Variants in RPS6KA1 observed in about 807,000 individuals in gnomAD.
RPS6KA1 encodes ribosomal protein S6 kinase A1.
In RPS6KA1, 48 loss-of-function variants were observed where a neutral mutation model predicts 91.3. The observed-to-expected ratio is 0.53, with a 90% CI of 0.42 to 0.67. RPS6KA1 has a LOEUF of 0.67. RPS6KA1 is among the 30% of genes least tolerant of loss of function. The pLI, the probability that RPS6KA1 is intolerant of heterozygous loss-of-function variation, is 0.00. For synonymous variants in RPS6KA1, 359 were observed against 384.7 expected, an observed-to-expected ratio of 0.93 and a Z score of 0.78; for missense variants, 719 against 960.5, an observed-to-expected ratio of 0.75 and a Z score of 3.32.
rs557747395 is a variant in RPS6KA1 at position 26,565,883 on chromosome 1, A to G, written c.1590+4220A>G. ...ATTTCATACAAACTTTCTCTTTTGT[A>G]TCTGGCTTCTGCCATTCAATGTTGT... On this transcript the variant is annotated intron_variant, in intron 17 of 21. Transcript: ENST00000374168. Among the ~76,000 whole-genome samples the G allele has an allele frequency of 2.6e-5, 4 of 152,264 alleles. No individual in the cohort carries two copies. In the East Asian group the frequency reaches 7.7e-4, roughly 29 times the overall value.
At chr1:26,573,166 A>G in intron 20 of RPS6KA1, 58 bp from the exon 21 acceptor site, 1 of 1,581,204 alleles carries the variant, frequency 6.3e-7, no homozygotes, top group Non-Finnish European at 8.6e-7. Flanking sequence ...CCTGTGCCCC[A>G]TCAGGGGCCT....
In RPS6KA1 at chr1:26,547,860, T is replaced by C. The variant is rs1196733368; in HGVS notation, c.307+590T>C. 6.6e-6 allele frequency among the ~76,000 whole-genome samples: 1 copy of C among 152,190 alleles called. No homozygotes were observed. Among genetic ancestry groups the C allele is most frequent in the East Asian group, 1.9e-4 (1 of 5,192 alleles). ...TGTGACCACTGACCCGGCAGAGTCA[T>C]AGCCAAGTCTCTCTTTAAATAAGTC... On this transcript the variant is annotated intron_variant, in intron 4 of 21. Coordinates refer to ENST00000374168, the MANE Select transcript of RPS6KA1 (RefSeq NM_002953.4). This position sits in a 1 kb window ranked among gnomAD's most constrained non-coding sequence, Gnocchi z 4.1.
rs551475424 is a variant in RPS6KA1, at chr1:26,541,713, G to A, written c.108+4744G>A. 2.0e-5 allele frequency among the ~76,000 whole-genome samples: 3 copies of A among 152,368 alleles called. No individual in the cohort carries two copies. In the East Asian group the frequency reaches 5.8e-4, roughly 29 times the overall value. ...CCCCTCCTCACCTGCCTGGAGGCACGCTGGGAGATGTGTCTGAGGACATCT... is the reference window on the plus strand; with the variant it reads ...CCCCTCCTCACCTGCCTGGAGGCACACTGGGAGATGTGTCTGAGGACATCT... On this transcript the variant is annotated intron_variant, in intron 2 of 21. Coordinates refer to ENST00000374168, the MANE Select transcript of RPS6KA1 (RefSeq NM_002953.4).
At chr1:26,544,628 CCA>C (rs1021387416) in intron 2 of RPS6KA1, among the ~76,000 whole-genome samples, 5 of 152,302 alleles carry the variant, frequency 3.3e-5, no homozygotes, top group Non-Finnish European at 7.4e-5. Flanking sequence ...GTGCCCACCA[CCA>C]CGCCCAGCTA....
rs1283926624 is a variant in RPS6KA1, at chr1:26,572,181, C to T, written c.1835C>T (p.Thr612Ile). The change falls in exon 20 of 22, where the codon ACT becomes ATT. Residue 612 changes from threonine to isoleucine, a missense_variant. By Grantham distance (89) the Thr-to-Ile change is moderately conservative (BLOSUM62 -1). Around this residue, in one of 5 missense-constraint regions of RPS6KA1, gnomAD observed 249 missense variants for 323.1 expected, o/e 0.77. Coordinates refer to ENST00000374168, the MANE Select transcript of RPS6KA1 (RefSeq NM_002953.4). Reference protein sequence around the residue: ...ILLYTMLAGYTPFANGPSDTP... With the variant: ...ILLYTMLAGYIPFANGPSDTP... ...CCGTGCGGGCTTTTCTGCAGATATA[C>T]TCCATTTGCCAACGGTCCCAGTGAC... 6 of 1,613,588 alleles carry T rather than the reference C, an allele frequency of 3.7e-6. No homozygotes were observed. The highest frequency in any genetic ancestry group is 4.2e-6 in the Non-Finnish European group (5 of 1,179,608).
intron 17 of RPS6KA1, among the ~76,000 whole-genome samples, chr1:26,562,135 C>T (rs1335272976): frequency 2.0e-5 from 3 of 152,018 alleles, no homozygotes; most frequent in Admixed American, 6.6e-5. Flanking sequence ...ACCCGGGAGG[C>T]GGAGGTTGCA....
intron 1 of RPS6KA1, chr1:26,530,753 C>G: frequency 7.8e-7 from 1 of 1,285,598 alleles, no homozygotes; most frequent in Non-Finnish European, 1.0e-6. Context: ...AGAAGCAGCT[C>G]CTGACCTCCC....
chr1:26,536,784 G>C, intron 1 of RPS6KA1, 141 bp from the exon 2 acceptor site: 2 of 840,006 alleles, frequency 2.4e-6, no homozygotes, highest in South Asian at 1.6e-5. Flanking sequence ...GGAGGTGGAG[G>C]GACCCACCCA....
intron 13 of RPS6KA1, 77 bp downstream of exon 13, chr1:26,557,177 A>G (rs2076110044): frequency 8.6e-6 from 10 of 1,156,134 alleles, no homozygotes; most frequent in Non-Finnish European, 1.3e-5. Flanking sequence ...CTTGGGGGGC[A>G]GAGATAGTCA....
At position 26,551,236 on chromosome 1, in the gene RPS6KA1, G is replaced by A. The variant is rs2076046869; in HGVS notation, c.308-161G>A. Among the ~76,000 whole-genome samples, 1 of 152,202 alleles carries A rather than the reference G, an allele frequency of 6.6e-6. No individual in the cohort carries two copies. The highest frequency in any genetic ancestry group is 2.4e-5 in the African/African-American group (1 of 41,440). On this transcript the variant is annotated intron_variant, in intron 4 of 21. Transcript: ENST00000374168. This position sits in a 1 kb window ranked among gnomAD's most constrained non-coding sequence, Gnocchi z 4.5. Reference sequence around the variant, plus strand: ...CAAGGAGCCAGAAACAGACTGGCAAGGAGGAAACCTGAGGATTGAGTGTCC... The same window carrying A: ...CAAGGAGCCAGAAACAGACTGGCAAAGAGGAAACCTGAGGATTGAGTGTCC...
intron 14 of RPS6KA1, 60 bp from the exon 15 acceptor site, chr1:26,560,666 G>A (rs2076145690): frequency 6.2e-7 from 1 of 1,609,100 alleles, no homozygotes; most frequent in South Asian, 1.1e-5. Flanking sequence ...CTTAGGTCCT[G>A]GGGGATGACC....
At chr1:26,569,322 T>C (rs1452064617) in intron 17 of RPS6KA1, among the ~76,000 whole-genome samples, 3 of 152,208 alleles carry the variant, frequency 2.0e-5, no homozygotes, top group Non-Finnish European at 4.4e-5. Flanking sequence ...AGTTCACTTG[T>C]GCAGGGTAGT....
At chr1:26,564,968 AAAGT>A (rs2076186656) in intron 17 of RPS6KA1, among the ~76,000 whole-genome samples, 1 of 152,226 alleles carries the variant, frequency 6.6e-6, no homozygotes, top group South Asian at 2.1e-4. Flanking sequence ...CCTGAAGCTA[AAAGT>A]AAGGAGGAAC....
Position 26,555,739 on chromosome 1 carries a change from C to A in RPS6KA1, c.916+114C>A. On this transcript the variant is annotated intron_variant, in intron 11 of 21. Coordinates refer to ENST00000374168, the MANE Select transcript of RPS6KA1 (RefSeq NM_002953.4). This position sits in a 1 kb window ranked among gnomAD's most constrained non-coding sequence, Gnocchi z 4.3. ...AAGGGGCCGTTGTCCTTTGTGTGGG[C>A]AGACAATGCCGCGGGCCACCCTGCT... 9.7e-7 allele frequency: 1 copy of A among 1,032,470 alleles called. No homozygotes were observed. The highest frequency in any genetic ancestry group is 1.5e-6 in the Non-Finnish European group (1 of 681,742). 64.0% of individuals were successfully genotyped at this position (1,032,470 alleles called of 1,614,324 possible).
chr1:26,551,994 G>A lies in RPS6KA1; in HGVS notation c.468+271G>A, dbSNP rs898477350. ...CTGCCTTCTTCCAGGGCTGCTCTGG[G>A]CAGAGGTGTGAAGATAGGGGAGAAG... On this transcript the variant is annotated intron_variant, in intron 6 of 21. Coordinates refer to ENST00000374168, the MANE Select transcript of RPS6KA1 (RefSeq NM_002953.4). This position sits in a 1 kb window ranked among gnomAD's most constrained non-coding sequence, Gnocchi z 4.5. 1.3e-5 allele frequency among the ~76,000 whole-genome samples: 2 copies of A among 152,226 alleles called. No individual in the cohort carries two copies. The highest frequency in any genetic ancestry group is 1.3e-4 in the Admixed American group (2 of 15,288).
intron 1 of RPS6KA1, among the ~76,000 whole-genome samples, chr1:26,534,048 C>A (rs999705304): frequency 1.3e-5 from 2 of 152,156 alleles, no homozygotes; most frequent in Non-Finnish European, 2.9e-5. Context: ...GCGGGGGGTC[C>A]CTAAGTCATC....
At chr1:26,553,551 G>T in intron 7 of RPS6KA1, 54 bp downstream of exon 7, 1 of 1,178,340 alleles carries the variant, frequency 8.5e-7, no homozygotes, top group South Asian at 1.3e-5. Flanking sequence ...CCTCTTCTAG[G>T]ACAGGGCCAT....
chr1:26,547,858 C>T lies in RPS6KA1; in HGVS notation c.307+588C>T, dbSNP rs142627429. Among the ~76,000 whole-genome samples the T allele has an allele frequency of 5.9e-5, 9 of 152,292 alleles. No individual in the cohort carries two copies. The East Asian group carries it at 1.7e-3, about 29-fold the overall frequency. On this transcript the variant is annotated intron_variant, in intron 4 of 21. Coordinates refer to ENST00000374168, the MANE Select transcript of RPS6KA1 (RefSeq NM_002953.4). The surrounding 1 kb of genome is among the most constrained non-coding windows in gnomAD (Gnocchi z 4.1). ...AGTGTGACCACTGACCCGGCAGAGT[C>T]ATAGCCAAGTCTCTCTTTAAATAAG...
rs1474923325 is a variant in RPS6KA1 at position 26,555,434 on chromosome 1, G to A, written c.828-103G>A. ...GCCTTTGGGAAGTGAATTAGTGGAT[G>A]GCTTGTCTAGACTGAGCTGGGAACT... On this transcript the variant is annotated intron_variant, in intron 10 of 21. Coordinates refer to ENST00000374168, the MANE Select transcript of RPS6KA1 (RefSeq NM_002953.4). This position sits in a 1 kb window ranked among gnomAD's most constrained non-coding sequence, Gnocchi z 4.3. 1 of 1,215,656 alleles carries A rather than the reference G, an allele frequency of 8.2e-7. No individual in the cohort carries two copies. Among genetic ancestry groups the A allele is most frequent in the Non-Finnish European group, 1.2e-6 (1 of 849,056 alleles). 75.3% of individuals were successfully genotyped at this position (1,215,656 alleles called of 1,614,324 possible). A position where few individuals can be genotyped will look rare whatever the true frequency, so the allele number is the denominator to read the frequency against.
Sources: allele counts gnomAD v4.1 joint callset (sites outside exome capture counted in the v4.1 genomes callset), GRCh38; gene constraint gnomAD v4.1.1; regional missense constraint gnomAD v4.1.1; non-coding constraint Gnocchi (gnomAD v3.1); transcripts MANE v1.5; gene names NCBI Gene and HGNC (gene_info 2026-07-23, HGNC 2026-07-21).